The following CD164L2 variants were observed in gnomAD, a reference collection of about 807,000 sequenced individuals.
The protein encoded by CD164L2 is CD164 sialomucin-like 2 protein.
Under a neutral mutation model 23.9 loss-of-function variants are expected in CD164L2, and 21 were observed. That is an observed-to-expected ratio of 0.88 (90% CI 0.62 to 1.27). CD164L2 has a LOEUF of 1.27. Among genes scored for constraint, CD164L2 ranks in the 50% most tolerant of loss-of-function variants. The pLI, the probability that CD164L2 is intolerant of heterozygous loss-of-function variation, is 0.00. For missense variants in CD164L2, 230 were observed against 224.8 expected (o/e 1.02, Z -0.15); for synonymous variants, 92 against 90.2 (o/e 1.02, Z -0.11).
At chr1:27,382,775 TG>T in intron 1 of CD164L2, 108 bp from the exon 2 acceptor site, 1 of 1,180,388 alleles carries the variant, frequency 8.5e-7, no homozygotes, top group Non-Finnish European at 1.1e-6. Flanking sequence ...TGCACACATC[TG>T]GGCTCTCACA....
rs771324495 is a variant in CD164L2 at position 27,382,515 on chromosome 1, G to C, written c.241C>G (p.Arg81Gly). The C allele has an allele frequency of 2.5e-6, 4 of 1,607,798 alleles. No individual in the cohort carries two copies. The highest frequency in any genetic ancestry group is 2.6e-6 in the Non-Finnish European group (3 of 1,175,986). ...AGCTCCATACCTGGCTCCTCTGGCC[G>C]GCACTGCTCCCACACGCAGCTGGAG... is the stretch of plus-strand genomic sequence containing the variant. ...NLSSCVWEQC[R>G]PEEPGHCVAQ... is the part of the protein sequence containing the mutation. The change falls in exon 2 of 6, where the codon CGG becomes GGG. Residue 81 changes from arginine (R) to glycine (G), a missense_variant. Coordinates refer to ENST00000374030, the MANE Select transcript of CD164L2 (RefSeq NM_001330448.1).
rs1345579805 is a variant in CD164L2, at chr1:27,383,262, C to T, written c.-23G>A. 3 of 1,267,056 alleles carry T rather than the reference C, an allele frequency of 2.4e-6. No homozygotes were observed. The highest frequency in any genetic ancestry group is 3.0e-5 in the African/African-American group (2 of 67,572). The allele number at this position is 1,267,056 out of a possible 1,614,324, so 78.5% of individuals were successfully genotyped here. ...CATGGGCTCGCGGGGTGGGGGTGGC[C>T]GGGGGCGGTGGCCGGGATCGGTGGA... On this transcript the variant is annotated 5_prime_UTR_variant, in exon 1 of 6. Transcript: ENST00000374030.
intron 4 of CD164L2, 115 bp downstream of exon 4, chr1:27,381,665 C>T (rs537085768): frequency 1.8e-6 from 2 of 1,133,130 alleles, no homozygotes; most frequent in East Asian, 2.5e-5. Flanking sequence ...CGGAGACAGG[C>T]TCCGAGGGAG....
Position 27,379,352 on chromosome 1 carries a change from TC to T in CD164L2, c.*150del. 1.4e-6 allele frequency: 1 copy of T among 691,714 alleles called. No individual in the cohort carries two copies. The highest frequency in any genetic ancestry group is 1.7e-5 in the South Asian group (1 of 59,670). 42.8% of individuals were successfully genotyped at this position (691,714 alleles called of 1,614,324 possible). Reference sequence around the variant, plus strand: ...CCAGGACAGGAGGAGATGTCAGGCATCAGACACTGAGCCTGCTTGGTGCCCG... The same window carrying T: ...CCAGGACAGGAGGAGATGTCAGGCATAGACACTGAGCCTGCTTGGTGCCCG... On this transcript the variant is annotated 3_prime_UTR_variant, in exon 6 of 6. Coordinates refer to ENST00000374030, the MANE Select transcript of CD164L2 (RefSeq NM_001330448.1).
chr1:27,383,174 T>C lies in CD164L2; in HGVS notation c.66A>G (p.Leu22=). The C allele has an allele frequency of 6.5e-7, 1 of 1,548,154 alleles. No individual in the cohort carries two copies. The highest frequency in any genetic ancestry group is 8.7e-7 in the Non-Finnish European group (1 of 1,146,616). Residue 22 remains leucine (L), a synonymous_variant, in exon 1 of 6, where the codon CTA becomes CTG. Coordinates refer to ENST00000374030, the MANE Select transcript of CD164L2 (RefSeq NM_001330448.1). ...TACCAGCCACAGCCAGCTGGGCACA[T>C]AGGAGGAGGCAGCAACAGCCGCCAC... is the stretch of plus-strand genomic sequence containing the variant. ...ALCGGCCCLL[L]CAQLAVAGKG...
intron 1 of CD164L2, 78 bp downstream of exon 1, chr1:27,383,074 T>C: frequency 8.0e-7 from 1 of 1,257,480 alleles, no homozygotes; most frequent in Non-Finnish European, 1.1e-6. Flanking sequence ...CCCAGGCTGC[T>C]CCTGGGGAGA....
intron 2 of CD164L2, 28 bp from the exon 3 acceptor site, chr1:27,382,427 T>A (rs924855853): frequency 1.9e-6 from 3 of 1,589,176 alleles, no homozygotes; most frequent in African/African-American, 1.3e-5. Flanking sequence ...AGGGGGGAGG[T>A]TTGGGGAGAG....
At position 27,380,188 on chromosome 1, in the gene CD164L2, G is replaced by T; in HGVS notation, c.381C>A (p.Pro127=). Reference sequence around the variant, plus strand: ...CAGGGCTGTGGGCCTCAGGGACTGGGGGGCTCCCTGCAGGGGTGAGGCAGG... The same window carrying T: ...CAGGGCTGTGGGCCTCAGGGACTGGTGGGCTCCCTGCAGGGGTGAGGCAGG... ...YEPKTVTTGS[P]PVPEAHSPGF... is the part of the protein sequence containing the mutation. Residue 127 remains proline (P), a synonymous_variant, in exon 5 of 6, where the codon CCC becomes CCA. Transcript: ENST00000374030. 1 of 1,614,058 alleles carries T rather than the reference G, an allele frequency of 6.2e-7. No individual in the cohort carries two copies. Among genetic ancestry groups the T allele is most frequent in the Non-Finnish European group, 8.5e-7 (1 of 1,179,966 alleles).
At chr1:27,379,915 C>T in intron 5 of CD164L2, 136 bp downstream of exon 5, 3 of 1,518,164 alleles carry the variant, frequency 2.0e-6, no homozygotes, top group East Asian at 4.5e-5. Context: ...GGGTGTGGCT[C>T]ACATGGAGCA....
rs946358696 is a variant in CD164L2, at chr1:27,383,228, C to T, written c.12G>A (p.Pro4=). Reference sequence around the variant, plus strand: ...GCGCAGTCCGCAAGGCGCGGGGTCCCGGAGCCTCCATGGGCTCGCGGGGTG... The same window carrying T: ...GCGCAGTCCGCAAGGCGCGGGGTCCTGGAGCCTCCATGGGCTCGCGGGGTG... MEA[P]GPRALRTALC... The change falls in exon 1 of 6, where the codon CCG becomes CCA. Residue 4 remains proline (P), a synonymous_variant. Transcript: ENST00000374030. The T allele has an allele frequency of 1.2e-5, 18 of 1,544,664 alleles. No individual in the cohort carries two copies. The highest frequency in any genetic ancestry group is 5.9e-5 in the Admixed American group (3 of 50,944).
At position 27,382,528 on chromosome 1, in the gene CD164L2, C is replaced by G. The variant is rs201003060; in HGVS notation, c.228G>C (p.Val76=). The G allele has an allele frequency of 6.2e-7, 1 of 1,611,500 alleles. No individual in the cohort carries two copies. Among genetic ancestry groups the G allele is most frequent in the South Asian group, 1.1e-5 (1 of 90,894 alleles). Residue 76 remains valine, a synonymous_variant, in exon 2 of 6, where the codon GTG becomes GTC. Transcript: ENST00000374030. ...GDGARNLSSC[V]WEQCRPEEPG... ...GCTCCTCTGGCCGGCACTGCTCCCACACGCAGCTGGAGAGATTGCGCGCTC... is the reference window on the plus strand; with the variant it reads ...GCTCCTCTGGCCGGCACTGCTCCCAGACGCAGCTGGAGAGATTGCGCGCTC...
In CD164L2 at chr1:27,381,780, C is replaced by G. The variant is rs2016338678; in HGVS notation, c.373G>C (p.Gly125Arg). 1.2e-6 allele frequency: 2 copies of G among 1,613,914 alleles called. No homozygotes were observed. Among genetic ancestry groups the G allele is most frequent in the East Asian group, 2.2e-5 (1 of 44,900 alleles). ...PTYEPKTVTT[G>R]SPPVPEAHSP... ...TGCCCCGTCTCCAGGGAGTACTCAC[C>G]TGTTGTGACTGTCTTCGGTTCATAG... The change falls in exon 4 of 6, where the codon GGG becomes CGG. Residue 125 changes from glycine to arginine, a missense_variant and splice_region_variant. Coordinates refer to ENST00000374030, the MANE Select transcript of CD164L2 (RefSeq NM_001330448.1).
At position 27,382,249 on chromosome 1, in the gene CD164L2, A is replaced by G. The variant is rs755979917; in HGVS notation, c.328+79T>C. On this transcript the variant is annotated intron_variant, in intron 3 of 5. Coordinates refer to ENST00000374030, the MANE Select transcript of CD164L2 (RefSeq NM_001330448.1). ...GGGTGAGCAAAATCCACCGCCTGAG[A>G]GAGGCTGTTTCCTCCTGGGGGGCAG... 8.7e-6 allele frequency: 14 copies of G among 1,613,938 alleles called. No homozygotes were observed. The South Asian group carries it at 1.4e-4, about 16-fold the overall frequency.
chr1:27,379,878 A>G lies in CD164L2; in HGVS notation c.518+173T>C, dbSNP rs954075249. 14 of 1,502,132 alleles carry G rather than the reference A, an allele frequency of 9.3e-6. No individual in the cohort carries two copies. The Admixed American group carries it at 3.2e-4, about 34-fold the overall frequency. The allele number at this position is 1,502,132 out of a possible 1,614,324, so 93.1% of individuals were successfully genotyped here. A position where few individuals can be genotyped will look rare whatever the true frequency, so the allele number is the denominator to read the frequency against. ...GGTCCCAGCCAACATCTGACAAAGG[A>G]AACACCCCAACTGGAGGAGACAAAA... On this transcript the variant is annotated intron_variant, in intron 5 of 5. Coordinates refer to ENST00000374030, the MANE Select transcript of CD164L2 (RefSeq NM_001330448.1).
intron 1 of CD164L2, 136 bp downstream of exon 1, chr1:27,383,016 C>T (rs2016370481): frequency 5.7e-6 from 4 of 700,886 alleles, no homozygotes; most frequent in Non-Finnish European, 9.6e-6. Context: ...AGCCCCCTCT[C>T]CCACCCCTGG....
intron 3 of CD164L2, chr1:27,382,115 C>T (rs1312471137): frequency 2.0e-6 from 3 of 1,503,086 alleles, no homozygotes; most frequent in East Asian, 2.5e-5. Flanking sequence ...AGAGCTAACA[C>T]TCCCATCCCC....
At chr1:27,380,429 C>A (rs2016315869) in intron 4 of CD164L2, among the ~76,000 whole-genome samples, 1 of 152,196 alleles carries the variant, frequency 6.6e-6, no homozygotes, top group South Asian at 2.1e-4. Flanking sequence ...CTGGCTTGCT[C>A]TGTGGCTTTT....
chr1:27,379,479 G>C lies in CD164L2; in HGVS notation c.*24C>G. On this transcript the variant is annotated 3_prime_UTR_variant, in exon 6 of 6. Coordinates refer to ENST00000374030, the MANE Select transcript of CD164L2 (RefSeq NM_001330448.1). ...CCCTCTGCATCCTCCTTTCCCCTCA[G>C]GATGGAGTCCAGGCCCAAAGGGGTC... The C allele has an allele frequency of 2.6e-6, 4 of 1,536,156 alleles. No homozygotes were observed. The highest frequency in any genetic ancestry group is 1.7e-4 in the Middle Eastern group (1 of 5,918).
intron 4 of CD164L2, 69 bp downstream of exon 4, chr1:27,381,711 C>G: frequency 1.3e-6 from 2 of 1,563,182 alleles, no homozygotes; most frequent in Admixed American, 3.5e-5. Flanking sequence ...CATGTCAGTG[C>G]CTGAGCCCAG....
Sources: gnomAD v4.1 joint callset for allele counts (sites outside exome capture counted in the v4.1 genomes callset) on GRCh38, gnomAD v4.1.1 for gene constraint, MANE v1.5 for transcripts, NCBI Gene and HGNC (gene_info 2026-07-23, HGNC 2026-07-21) for gene names.